PLEKHA7: variants seen among roughly 807,000 people sequenced by gnomAD.
PLEKHA7 encodes pleckstrin homology domain containing A7, also known as pleckstrin homology domain-containing family A member 7.
Under a neutral mutation model 170.0 loss-of-function variants are expected in PLEKHA7, and 104 were observed. That is an observed-to-expected ratio of 0.61 (90% confidence interval 0.52 to 0.72). The LOEUF (loss-of-function observed/expected upper bound fraction) is 0.72. Among genes scored for constraint, PLEKHA7 ranks in the 30% least tolerant of loss-of-function variants. The pLI is 0.00. For missense variants in PLEKHA7, 1,615 were observed against 1,671.7 expected, an observed-to-expected ratio of 0.97 and a Z score of 0.59; for synonymous variants, 648 against 660.8, an observed-to-expected ratio of 0.98 and a Z score of 0.30.
chr11:16,928,841 A>C (rs1035268973), intron 3 of PLEKHA7, among the ~76,000 whole-genome samples: 3 of 152,088 alleles, frequency 2.0e-5, no homozygotes, highest in East Asian at 3.8e-4. Flanking sequence ...ATTTGACTTT[A>C]TGAGATTTTT....
In PLEKHA7 at chr11:16,791,030, C is replaced by T; in HGVS notation, c.2915G>A (p.Cys972Tyr). The T allele has an allele frequency of 6.2e-7, 1 of 1,614,152 alleles. No homozygotes were observed. The highest frequency in any genetic ancestry group is 1.1e-5 in the South Asian group (1 of 91,086). Residue 972 changes from cysteine to tyrosine, a missense_variant, in exon 20 of 27, where the codon TGT (cysteine) becomes TAT (tyrosine). Physicochemically the swap from Cys to Tyr is radical, Grantham distance 194. Transcript: ENST00000531066. This position sits in a 1 kb window ranked among gnomAD's most constrained non-coding sequence, Gnocchi z 4.5. ...ERKRDRELGQ[C>Y]VNGDSRVELR... is the part of the protein sequence containing the mutation. Reference sequence around the variant, plus strand: ...GCTCACCCTGGAATCCCCATTCACACACTGCCCCAGCTCCCGGTCTCGCTT... The same window carrying T: ...GCTCACCCTGGAATCCCCATTCACATACTGCCCCAGCTCCCGGTCTCGCTT...
intron 6 of PLEKHA7, 126 bp from the exon 7 acceptor site, chr11:16,852,481 A>G: frequency 1.5e-6 from 1 of 658,446 alleles, no homozygotes; most frequent in Admixed American, 2.7e-5. Context: ...ATAAATTACC[A>G]TTTTACTGAA....
chr11:16,801,816 T>A lies in PLEKHA7; in HGVS notation c.2159A>T (p.Asp720Val). ...CACCTCCAGCACAGATTCTAGCTGG[T>A]CCTGCACCACGAAGGGCCAAAAAAC... ...DKIRALKENK[D>V]QLESVLEVLH... The change falls in exon 16 of 27, where the codon GAC becomes GTC. Residue 720 changes from aspartate to valine, a missense_variant and splice_region_variant. Physicochemically the swap from Asp to Val is radical, Grantham distance 152. Transcript: ENST00000531066. 1 of 1,614,022 alleles carries A rather than the reference T, an allele frequency of 6.2e-7. No individual in the cohort carries two copies. The highest frequency in any genetic ancestry group is 8.5e-7 in the Non-Finnish European group (1 of 1,180,010).
intron 3 of PLEKHA7, among the ~76,000 whole-genome samples, chr11:16,993,329 C>T (rs1005875623): frequency 1.3e-5 from 2 of 151,988 alleles, no homozygotes; most frequent in African/African-American, 4.8e-5. Flanking sequence ...TCGGGGCGGG[C>T]AGAGTGGGGG....
rs887847383 is a variant in PLEKHA7, at chr11:16,786,242, T to C, written c.3503A>G (p.Asp1168Gly). The C allele has an allele frequency of 3.9e-6, 6 of 1,536,140 alleles. No individual in the cohort carries two copies. In the Admixed American group the frequency reaches 1.2e-4, roughly 30 times the overall value. Residue 1168 changes from aspartate to glycine, a missense_variant, in exon 24 of 27, where the codon GAC becomes GGC. By Grantham distance (94) the Asp-to-Gly change is moderately conservative. Transcript: ENST00000531066. Reference protein sequence around the residue: ...LDLEPQDYDLDISRELSKPEK... With the variant: ...LDLEPQDYDLGISRELSKPEK... Reference sequence around the variant, plus strand: ...GCCTGCCCTCACCTCTCTGCTGATGTCCAAGTCATAGTCTTGAGGCTCCAG... The same window carrying C: ...GCCTGCCCTCACCTCTCTGCTGATGCCCAAGTCATAGTCTTGAGGCTCCAG...
chr11:16,892,964 G>A (rs1856763695), intron 3 of PLEKHA7, among the ~76,000 whole-genome samples: 1 of 152,168 alleles, frequency 6.6e-6, no homozygotes, highest in Non-Finnish European at 1.5e-5. Context: ...ATAGTGGAAG[G>A]TGTAAACAAG....
intron 3 of PLEKHA7, among the ~76,000 whole-genome samples, chr11:16,947,287 T>G (rs964156115): frequency 6.6e-5 from 10 of 152,256 alleles, no homozygotes; most frequent in Admixed American, 5.9e-4. Context: ...GTATAGAGGC[T>G]CCTCAAAAAA....
Position 17,013,991 on chromosome 11 carries a change from G to C in PLEKHA7, c.219C>G (p.Ile73Met). The C allele has an allele frequency of 1.3e-6, 2 of 1,542,696 alleles. No homozygotes were observed. The highest frequency in any genetic ancestry group is 4.9e-5 in the East Asian group (2 of 40,410). Residue 73 changes from isoleucine to methionine, a missense_variant and splice_region_variant, in exon 3 of 27, where the codon ATC becomes ATG. Transcript: ENST00000531066. The part of the protein sequence containing the change: ...GFTEEGASYF[I>M]DHNQQTTAFR... Reference sequence around the variant, plus strand: ...GCGCGGCGGCCCCACTCACTCACTCGATGAAGTAGCTGGCGCCCTCCTCCG... The same window carrying C: ...GCGCGGCGGCCCCACTCACTCACTCCATGAAGTAGCTGGCGCCCTCCTCCG...
At chr11:16,907,385 T>A (rs1232849809) in intron 3 of PLEKHA7, among the ~76,000 whole-genome samples, 1 of 108,846 alleles carries the variant, frequency 9.2e-6, no homozygotes, top group Non-Finnish European at 1.9e-5. Context: ...GGGAGGGAGG[T>A]GGTGGGGTCA....
At position 16,891,099 on chromosome 11, in the gene PLEKHA7, G is replaced by A. The variant is rs181238908; in HGVS notation, c.222-19917C>T. On this transcript the variant is annotated intron_variant, in intron 3 of 26. Transcript: ENST00000531066. ...ATTCTATTCTATTCTATTCTTTTTA[G>A]AGATGGGGTCTTGCTATGTTTCCCA... Among the ~76,000 whole-genome samples, 549 of 81,524 alleles carry A rather than the reference G, an allele frequency of 6.7e-3. 4 individuals are homozygous for A. The highest frequency in any genetic ancestry group is 0.053 in the Middle Eastern group (6 of 114). The allele number at this position is 81,524 out of a possible 152,430, so 53.5% of individuals were successfully genotyped here.
In PLEKHA7 at chr11:16,777,554, A is replaced by G. The variant is rs1393079906; in HGVS notation, c.*1444T>C. On this transcript the variant is annotated 3_prime_UTR_variant, in exon 27 of 27. Coordinates refer to ENST00000531066, the MANE Select transcript of PLEKHA7 (RefSeq NM_001329630.2). The stretch of plus-strand genomic sequence containing the variant: ...CATAGTCAAAGAGAAATTTTCATTT[A>G]AAGTGTGGCTCCACCCAATGGAGGT... 1 of 152,208 alleles carries G rather than the reference A, an allele frequency of 6.6e-6. No homozygotes were observed. Among genetic ancestry groups the G allele is most frequent in the Non-Finnish European group, 1.5e-5 (1 of 68,028 alleles). The allele number at this position is 152,208 out of a possible 1,614,324, so 9.4% of individuals were successfully genotyped here. A position where few individuals can be genotyped will look rare whatever the true frequency, so the allele number is the denominator to read the frequency against.
In PLEKHA7 at chr11:16,959,545, G is replaced by C. The variant is rs16933702; in HGVS notation, c.221+54444C>G. On this transcript the variant is annotated intron_variant, in intron 3 of 26. Transcript: ENST00000531066. ...ATGAGGGTGATGTGTGAGAGGCCAG[G>C]CCCATAGTGAATCAAGTTTGAAAAA... Among the ~76,000 whole-genome samples, 1,374 of 152,238 alleles carry C rather than the reference G, an allele frequency of 9.0e-3. 24 individuals carry two copies. Among genetic ancestry groups the C allele is most frequent in the African/African-American group, 0.031 (1,284 of 41,538 alleles).
At chr11:16,916,589 C>T (rs1858701625) in intron 3 of PLEKHA7, among the ~76,000 whole-genome samples, 1 of 152,196 alleles carries the variant, frequency 6.6e-6, no homozygotes, top group African/African-American at 2.4e-5. Context: ...GAACAATCAA[C>T]TCTATTATCA....
At chr11:16,865,930 C>T (rs1356776553) in intron 4 of PLEKHA7, among the ~76,000 whole-genome samples, 3 of 151,702 alleles carry the variant, frequency 2.0e-5, no homozygotes, top group African/African-American at 4.8e-5. Context: ...CTCTGCCTCC[C>T]GGGCTCAAGT....
At chr11:16,980,663 C>T (rs1428393801) in intron 3 of PLEKHA7, among the ~76,000 whole-genome samples, 1 of 152,142 alleles carries the variant, frequency 6.6e-6, no homozygotes, top group Non-Finnish European at 1.5e-5. Flanking sequence ...TGGCTCACAC[C>T]TATAATCCCT....
At chr11:16,783,132 C>T (rs1049180566) in intron 25 of PLEKHA7, among the ~76,000 whole-genome samples, 5 of 152,218 alleles carry the variant, frequency 3.3e-5, no homozygotes, top group African/African-American at 1.2e-4. Context: ...GCTGGAGGCT[C>T]TTATTAAATT....
At chr11:16,953,745 G>C (rs989252589) in intron 3 of PLEKHA7, among the ~76,000 whole-genome samples, 8 of 152,178 alleles carry the variant, frequency 5.3e-5, no homozygotes, top group African/African-American at 1.9e-4. Flanking sequence ...TGACTGGAAA[G>C]GGCAGTGTTT....
At chr11:16,815,114 G>T (rs575479238) in intron 12 of PLEKHA7, 1 of 152,870 alleles carries the variant, frequency 6.5e-6, no homozygotes, top group Admixed American at 6.5e-5. Context: ...GGGCACGAGC[G>T]AACGCGAGCC....
chr11:16,787,885 C>T (rs1849508335), intron 23 of PLEKHA7: 2 of 152,186 alleles, frequency 1.3e-5, no homozygotes, highest in African/African-American at 4.8e-5. Context: ...GGGCCTTACC[C>T]CTTTGGTGTC....
Sources: allele counts gnomAD v4.1 joint callset (sites outside exome capture counted in the v4.1 genomes callset), GRCh38; gene constraint gnomAD v4.1.1; non-coding constraint Gnocchi (gnomAD v3.1); transcripts MANE v1.5; gene names NCBI Gene and HGNC (gene_info 2026-07-23, HGNC 2026-07-21).